The following STAC variants were observed in gnomAD, a reference collection of about 807,000 sequenced individuals.
The protein encoded by STAC is SH3 and cysteine-rich domain-containing protein.
Under a neutral mutation model 48.8 loss-of-function variants are expected in STAC, and 43 were observed. The observed-to-expected ratio is 0.88, with a 90% CI of 0.69 to 1.14. STAC has a LOEUF of 1.14. STAC is among the 50% of genes most tolerant of loss of function. STAC has a pLI of 0.00. For missense variants in STAC, 497 were observed against 504.0 expected, an observed-to-expected ratio of 0.99 and a Z score of 0.13; for synonymous variants, 193 against 179.5, an observed-to-expected ratio of 1.07 and a Z score of -0.60.
At chr3:36,513,243 C>T (rs551348832) in intron 8 of STAC, among the ~76,000 whole-genome samples, 1 of 152,326 alleles carries the variant, frequency 6.6e-6, no homozygotes, top group South Asian at 2.1e-4. Context: ...TTCACTTACC[C>T]ACCTGCCTAC....
intron 1 of STAC, among the ~76,000 whole-genome samples, chr3:36,399,905 G>A (rs1182368989): frequency 6.6e-6 from 1 of 152,208 alleles, no homozygotes; most frequent in African/African-American, 2.4e-5. Flanking sequence ...CTACGACTTA[G>A]GCAGCCCCAG....
chr3:36,482,950 GGCAGGTTGTATCC>G (rs764726606), intron 2 of STAC, 29 bp from the exon 3 acceptor site: 14 of 1,396,648 alleles, frequency 1.0e-5, no homozygotes, highest in Non-Finnish European at 1.4e-5. Context: ...AGCAGGAAAT[GGCAGGTTGTATCC>G]TAACCAAAGT....
intron 1 of STAC, among the ~76,000 whole-genome samples, chr3:36,418,818 C>A (rs1034085098): frequency 1.3e-5 from 2 of 151,916 alleles, no homozygotes; most frequent in African/African-American, 2.4e-5. Context: ...GAGGCCGAGG[C>A]GGGCAGATCA....
intron 8 of STAC, among the ~76,000 whole-genome samples, chr3:36,527,093 T>C (rs1559525976): frequency 6.6e-6 from 1 of 152,160 alleles, no homozygotes; most frequent in Non-Finnish European, 1.5e-5. Flanking sequence ...AGGTATAGAA[T>C]AGCGGAGAAG....
chr3:36,422,556 C>T (rs1403245976), intron 1 of STAC, among the ~76,000 whole-genome samples: 1 of 151,966 alleles, frequency 6.6e-6, no homozygotes, highest in Non-Finnish European at 1.5e-5. Context: ...CACAAAATGA[C>T]AATTTTTTAA....
At chr3:36,421,570 T>C (rs1700449469) in intron 1 of STAC, among the ~76,000 whole-genome samples, 1 of 152,158 alleles carries the variant, frequency 6.6e-6, no homozygotes, top group Admixed American at 6.5e-5. Flanking sequence ...CACCGACAGA[T>C]TTGGGTCTTC....
rs747846439 is a variant in STAC at position 36,486,114 on chromosome 3, A to C, written c.572-20A>C. ...CCTCTCAGATGAGCTTCCTCAGATG[A>C]ACTTTCTCTTCTGTTGCAGCCTGTG... On this transcript the variant is annotated intron_variant, in intron 4 of 10. Coordinates refer to ENST00000273183, the MANE Select transcript of STAC (RefSeq NM_003149.3). 9 of 1,600,378 alleles carry C rather than the reference A, an allele frequency of 5.6e-6. No homozygotes were observed. The South Asian group carries it at 1.0e-4, about 18-fold the overall frequency.
intron 10 of STAC, among the ~76,000 whole-genome samples, chr3:36,532,728 T>C (rs1699101193): frequency 6.6e-6 from 1 of 152,214 alleles, no homozygotes; most frequent in African/African-American, 2.4e-5. Context: ...CTATTCCTTT[T>C]TGGATGTGAT....
intron 2 of STAC, among the ~76,000 whole-genome samples, chr3:36,452,958 C>CA: frequency 6.6e-6 from 1 of 152,340 alleles, no homozygotes; most frequent in Non-Finnish European, 1.5e-5. Flanking sequence ...CTTCCAAGGC[C>CA]ATCCCACCCA....
chr3:36,513,275 G>A (rs796643298), intron 8 of STAC, among the ~76,000 whole-genome samples: 6 of 152,248 alleles, frequency 3.9e-5, no homozygotes, highest in African/African-American at 7.2e-5. Context: ...ACAGAGCATC[G>A]CAGCTCTGCC....
intron 1 of STAC, among the ~76,000 whole-genome samples, chr3:36,423,790 G>C (rs1322606149): frequency 6.6e-6 from 1 of 152,060 alleles, no homozygotes; most frequent in Non-Finnish European, 1.5e-5. Flanking sequence ...GCAATTATCT[G>C]TTGCTACAAG....
chr3:36,525,088 G>T (rs2125729020), intron 8 of STAC, among the ~76,000 whole-genome samples: 1 of 151,970 alleles, frequency 6.6e-6, no homozygotes, highest in African/African-American at 2.4e-5. Flanking sequence ...CTATTTACTT[G>T]TTTATTGTCT....
chr3:36,515,385 G>C (rs141959570), intron 8 of STAC, among the ~76,000 whole-genome samples: 2 of 152,136 alleles, frequency 1.3e-5, no homozygotes, highest in Non-Finnish European at 2.9e-5. Context: ...TTGAGAATGT[G>C]CCTGGGAAAA....
At chr3:36,510,974 T>C (rs1698524237) in intron 8 of STAC, among the ~76,000 whole-genome samples, 1 of 151,042 alleles carries the variant, frequency 6.6e-6, no homozygotes, top group Admixed American at 6.6e-5. Flanking sequence ...TATTTATATA[T>C]ATATATATTT....
At chr3:36,494,792 A>G (rs77158727) in intron 6 of STAC, among the ~76,000 whole-genome samples, 2,130 of 152,312 alleles carry the variant, frequency 0.014, 22 homozygotes, top group Non-Finnish European at 0.021. Flanking sequence ...ATTAGAGGGT[A>G]TTGGCTTCGA....
At chr3:36,469,335 C>A (rs1697261870) in intron 2 of STAC, among the ~76,000 whole-genome samples, 2 of 152,104 alleles carry the variant, frequency 1.3e-5, no homozygotes, top group Non-Finnish European at 2.9e-5. Flanking sequence ...ATCTTTCCTT[C>A]ATTTATGAAG....
rs966850348 is a variant in STAC, at chr3:36,419,239, G to A, written c.112-24125G>A. Among the ~76,000 whole-genome samples, 15 of 152,128 alleles carry A rather than the reference G, an allele frequency of 9.9e-5. 1 individual carries two copies. Among genetic ancestry groups the A allele is most frequent in the Middle Eastern group, 6.8e-3 (2 of 294 alleles). On this transcript the variant is annotated intron_variant, in intron 1 of 10. Coordinates refer to ENST00000273183, the MANE Select transcript of STAC (RefSeq NM_003149.3). Reference sequence around the variant, plus strand: ...TACTGCAAAGCCCTCCTCTTTCTCAGCATTTGTCATTCTCCTTCCTAATTC... The same window carrying A: ...TACTGCAAAGCCCTCCTCTTTCTCAACATTTGTCATTCTCCTTCCTAATTC...
intron 8 of STAC, among the ~76,000 whole-genome samples, chr3:36,511,324 T>C (rs1297413267): frequency 6.6e-6 from 1 of 152,210 alleles, no homozygotes; most frequent in Admixed American, 6.5e-5. Flanking sequence ...TTAAACACAT[T>C]GGTGCCTATA....
At chr3:36,452,745 G>T (rs566509368) in intron 2 of STAC, among the ~76,000 whole-genome samples, 1 of 152,230 alleles carries the variant, frequency 6.6e-6, no homozygotes, top group Non-Finnish European at 1.5e-5. Flanking sequence ...ATCTGGGAAC[G>T]CCAAGTCTGA....
Sources: gnomAD v4.1 joint callset for allele counts (sites outside exome capture counted in the v4.1 genomes callset) on GRCh38, gnomAD v4.1.1 for gene constraint, MANE v1.5 for transcripts, NCBI Gene and HGNC (gene_info 2026-07-23, HGNC 2026-07-21) for gene names.